MYO16: variants seen among roughly 807,000 people sequenced by gnomAD.
The protein encoded by MYO16 is myosin XVI.
MYO16 carries 94 observed loss-of-function variants against 205.3 expected under a neutral mutation model. The ratio of observed to expected loss-of-function variants is 0.46; its 90% CI spans 0.39 to 0.54. The LOEUF is 0.54. Among genes scored for constraint, MYO16 ranks in the 20% least tolerant of loss-of-function variants. MYO16 has a pLI of 0.00. For missense variants in MYO16, 2,315 were observed against 2,387.5 expected, an observed-to-expected ratio of 0.97 and a Z score of 0.63; for synonymous variants, 988 against 954.0, an observed-to-expected ratio of 1.04 and a Z score of -0.66.
At chr13:108,730,041 G>T (rs550978485) in intron 4 of MYO16, among the ~76,000 whole-genome samples, 26 of 152,258 alleles carry the variant, frequency 1.7e-4, no homozygotes, top group Middle Eastern at 3.4e-3. Context: ...ATAAGTACAT[G>T]AAATGACTCC....
At chr13:109,110,327 A>G (rs1889246709) in intron 28 of MYO16, among the ~76,000 whole-genome samples, 1 of 152,372 alleles carries the variant, frequency 6.6e-6, no homozygotes, top group East Asian at 1.9e-4. Context: ...TATGATTTCC[A>G]TAATGAAATA....
At chr13:108,611,349 G>C (rs959029951) in intron 1 of MYO16, among the ~76,000 whole-genome samples, 2 of 152,028 alleles carry the variant, frequency 1.3e-5, no homozygotes, top group African/African-American at 2.4e-5. Context: ...TTCTAAATTG[G>C]AAGTCACACT....
At chr13:108,881,158 G>C (rs1307688198) in intron 12 of MYO16, among the ~76,000 whole-genome samples, 2 of 152,164 alleles carry the variant, frequency 1.3e-5, no homozygotes, top group Non-Finnish European at 2.9e-5. Flanking sequence ...AGCCTCTGCT[G>C]GTGATATCCA....
chr13:108,869,303 C>T (rs565512161), intron 12 of MYO16, among the ~76,000 whole-genome samples: 6 of 152,140 alleles, frequency 3.9e-5, no homozygotes, highest in East Asian at 1.9e-4. Flanking sequence ...TGTATCATCC[C>T]GTGTGCTCTT....
chr13:108,744,743 G>A (rs1034674257), intron 4 of MYO16, among the ~76,000 whole-genome samples: 1 of 152,140 alleles, frequency 6.6e-6, no homozygotes. Flanking sequence ...CTGGGCAAAT[G>A]TCCCATTTTT....
intron 28 of MYO16, among the ~76,000 whole-genome samples, chr13:109,112,420 A>C (rs1326304986): frequency 6.6e-6 from 1 of 152,208 alleles, no homozygotes; most frequent in Non-Finnish European, 1.5e-5. Flanking sequence ...TATTTTAATA[A>C]AATAAATCAA....
At chr13:109,086,393 G>C (rs1888435880) in intron 27 of MYO16, among the ~76,000 whole-genome samples, 1 of 152,196 alleles carries the variant, frequency 6.6e-6, no homozygotes, top group African/African-American at 2.4e-5. Context: ...AGAAAGCTTA[G>C]ATAGGATCCA....
intron 33 of MYO16, among the ~76,000 whole-genome samples, chr13:109,166,363 A>G (rs2139881007): frequency 6.6e-6 from 1 of 152,372 alleles, no homozygotes; most frequent in East Asian, 1.9e-4. Context: ...GTTTAAAAAC[A>G]AAACAAATAA....
chr13:108,997,431 GAAA>G, intron 21 of MYO16, among the ~76,000 whole-genome samples: 2 of 148,974 alleles, frequency 1.3e-5, no homozygotes, highest in African/African-American at 2.5e-5. Flanking sequence ...GAAAGGAAAG[GAAA>G]GGAAAGGAAA....
chr13:108,726,269 A>T (rs1239803942), intron 3 of MYO16, among the ~76,000 whole-genome samples: 3 of 152,208 alleles, frequency 2.0e-5, no homozygotes, highest in Non-Finnish European at 4.4e-5. Flanking sequence ...AATATGAAAG[A>T]TACTCGTAAG....
chr13:109,079,235 G>C lies in MYO16; in HGVS notation c.3336-21550G>C, dbSNP rs372984793. On this transcript the variant is annotated intron_variant, in intron 27 of 34. Transcript: ENST00000457511. ...CAGAGGTCACTGACTTCATTGTCTG[G>C]TGTCAGATAACCTGAGAGCCATTGC... is the stretch of plus-strand genomic sequence containing the variant. Among the ~76,000 whole-genome samples, 15 of 152,164 alleles carry C rather than the reference G, an allele frequency of 9.9e-5. No individual in the cohort carries two copies. In the East Asian group the frequency reaches 1.4e-3, roughly 14 times the overall value.
the MYO16 span, among the ~76,000 whole-genome samples, chr13:108,524,027 C>T: frequency 5.3e-5 from 8 of 151,900 alleles, no homozygotes; most frequent in African/African-American, 1.2e-4. Context: ...TGGCCGGGTG[C>T]GGAGGCTCAC....
the MYO16 span, among the ~76,000 whole-genome samples, chr13:108,500,541 G>A: frequency 3.3e-5 from 5 of 152,066 alleles, no homozygotes; most frequent in African/African-American, 9.6e-5. Context: ...ATTACTGTTC[G>A]TTGGTTTATT....
chr13:108,956,337 G>A (rs113434018), intron 16 of MYO16, among the ~76,000 whole-genome samples: 4 of 151,654 alleles, frequency 2.6e-5, no homozygotes, highest in East Asian at 1.9e-4. Flanking sequence ...CTCCCCATCC[G>A]TCCTCTTCTT....
At chr13:109,203,525 C>T (rs1047858702) in intron 34 of MYO16, among the ~76,000 whole-genome samples, 2 of 151,752 alleles carry the variant, frequency 1.3e-5, no homozygotes, top group Admixed American at 6.6e-5. Flanking sequence ...TGTAGTTCCT[C>T]GCTGGGCTGT....
the MYO16 span, among the ~76,000 whole-genome samples, chr13:108,563,358 T>C: frequency 6.6e-6 from 1 of 152,156 alleles, no homozygotes; most frequent in East Asian, 1.9e-4. Context: ...TTAGTTATTT[T>C]AAAATGTATG....
chr13:109,084,429 A>C (rs1312271684), intron 27 of MYO16, among the ~76,000 whole-genome samples: 1 of 152,148 alleles, frequency 6.6e-6, no homozygotes, highest in Non-Finnish European at 1.5e-5. Context: ...GATACCCTTT[A>C]ATATAATTAG....
Position 108,989,761 on chromosome 13 carries a change from A to G in MYO16, c.2370-2615A>G, listed in dbSNP as rs115512775. The stretch of plus-strand genomic sequence containing the variant: ...TTTGAGGAAGGCTCTACCGATTTAA[A>G]CTGTCAGAAAAAGTATATAGGAAAA... On this transcript the variant is annotated intron_variant, in intron 20 of 34. Transcript: ENST00000457511. Among the ~76,000 whole-genome samples the G allele has an allele frequency of 4.7e-3, 714 of 152,234 alleles. 8 individuals are homozygous for G. Among genetic ancestry groups the G allele is most frequent in the African/African-American group, 0.016 (666 of 41,544 alleles).
chr13:108,821,292 T>A (rs532132511), intron 8 of MYO16, among the ~76,000 whole-genome samples: 43 of 152,278 alleles, frequency 2.8e-4, no homozygotes, highest in African/African-American at 9.6e-4. Context: ...TTTTCTCTAT[T>A]TGTTATTTAT....
Sources: allele counts gnomAD v4.1 joint callset (sites outside exome capture counted in the v4.1 genomes callset), GRCh38; gene constraint gnomAD v4.1.1; transcripts MANE v1.5; gene names NCBI Gene and HGNC (gene_info 2026-07-23, HGNC 2026-07-21).